ST6GALNAC1: variants seen among roughly 807,000 people sequenced by gnomAD.
ST6GALNAC1 encodes alpha-N-acetylgalactosaminide alpha-2,6-sialyltransferase 1.
ST6GALNAC1 carries 45 observed loss-of-function variants against 56.8 expected under a neutral mutation model. The observed-to-expected ratio is 0.79, with a 90% CI of 0.62 to 1.02. The LOEUF (loss-of-function observed/expected upper bound fraction) is 1.02, where lower values mean the gene tolerates loss of function less well. Ranked by LOEUF, ST6GALNAC1 falls within the 50% of genes least tolerant of loss-of-function variation. The pLI, the probability that ST6GALNAC1 is intolerant of heterozygous loss-of-function variation, is 0.00. For synonymous variants in ST6GALNAC1, 295 were observed against 297.8 expected, an observed-to-expected ratio of 0.99 and a Z score of 0.10; for missense variants, 743 against 754.8, an observed-to-expected ratio of 0.98 and a Z score of 0.18.
chr17:76,637,965 G>A (rs2075999565), intron 1 of ST6GALNAC1, among the ~76,000 whole-genome samples: 1 of 152,062 alleles, frequency 6.6e-6, no homozygotes, highest in Non-Finnish European at 1.5e-5. Flanking sequence ...GAGTAGCTGG[G>A]ATTACATGCA....
downstream of ST6GALNAC1, among the ~76,000 whole-genome samples, chr17:76,623,045 G>A (rs4789331): frequency 0.21 from 31,307 of 152,048 alleles, 3,323 homozygotes; most frequent in Non-Finnish European, 0.23. Flanking sequence ...CGCCTGCCTC[G>A]GCCTCTGTCA....
chr17:76,622,675 T>G (rs1413954301), downstream of ST6GALNAC1, among the ~76,000 whole-genome samples: 1 of 152,220 alleles, frequency 6.6e-6, no homozygotes, highest in Non-Finnish European at 1.5e-5. Flanking sequence ...TTTTATTAAT[T>G]TTATGTAGTA....
intron 1 of ST6GALNAC1, 138 bp downstream of exon 1, chr17:76,643,369 TC>T (rs1418125561): frequency 1.1e-6 from 1 of 935,998 alleles, no homozygotes; most frequent in Non-Finnish European, 1.5e-6. Flanking sequence ...TCCCAGTGCT[TC>T]TTGAGAACAC....
In ST6GALNAC1 at chr17:76,626,386, G is replaced by A. The variant is rs538778072; in HGVS notation, c.1318C>T (p.Arg440Cys). ...GTGCCTTCCAGGAAGTGCAAGTAGC[G>A]GACGTCCTGAGGACCAAGGACAGGG... ...FKNVPLGKDV[R>C]YLHFLEGTRD... is the part of the protein sequence containing the mutation. The change falls in exon 6 of 9, where the codon CGC becomes TGC. Residue 440 changes from arginine (R) to cysteine (C), a missense_variant. Arg to Cys is a radical substitution (Grantham distance 180). Transcript: ENST00000156626. 7 of 1,614,050 alleles carry A rather than the reference G, an allele frequency of 4.3e-6. No individual in the cohort carries two copies. The highest frequency in any genetic ancestry group is 4.5e-5 in the East Asian group (2 of 44,886).
chr17:76,629,234 C>G lies in ST6GALNAC1; in HGVS notation c.609G>C (p.Met203Ile). Reference protein sequence around the residue: ...KTLIPKSQHRMLAPTGAVSTR... With the variant: ...KTLIPKSQHRILAPTGAVSTR... The stretch of plus-strand genomic sequence containing the variant: ...TTGACACTGCTCCTGTGGGAGCCAG[C>G]ATTCTGTGCTGACTTTTGGGAATGA... The change falls in exon 2 of 9, where the codon ATG (methionine) becomes ATC (isoleucine). Residue 203 changes from methionine (M) to isoleucine (I), a missense_variant. Transcript: ENST00000156626. The G allele has an allele frequency of 1.2e-6, 2 of 1,614,150 alleles. No homozygotes were observed. The highest frequency in any genetic ancestry group is 1.7e-6 in the Non-Finnish European group (2 of 1,180,026).
chr17:76,619,397 T>A, the ST6GALNAC1 span, among the ~76,000 whole-genome samples: 1 of 152,218 alleles, frequency 6.6e-6, no homozygotes, highest in Admixed American at 6.5e-5. Context: ...ACCCATAGAA[T>A]TCTTTCTTTA....
chr17:76,621,158 TTCTTC>T (rs146002914), downstream of ST6GALNAC1, among the ~76,000 whole-genome samples: 1,629 of 149,874 alleles, frequency 0.011, 31 homozygotes, highest in African/African-American at 0.039. Context: ...GCTGTTTCTT[TTCTTC>T]TCTTTTCTTT....
chr17:76,623,552 T>C (rs1161093974), downstream of ST6GALNAC1, among the ~76,000 whole-genome samples: 1 of 152,252 alleles, frequency 6.6e-6, no homozygotes, highest in East Asian at 1.9e-4. Context: ...GTTTTCCTCA[T>C]ACAGACTTTG....
intron 1 of ST6GALNAC1, among the ~76,000 whole-genome samples, chr17:76,630,586 C>CTTT (rs201145440): frequency 2.2e-5 from 3 of 137,404 alleles, no homozygotes; most frequent in Admixed American, 1.5e-4. Flanking sequence ...TGAAACCCTT[C>CTTT]TTTTTTTTTT....
chr17:76,636,626 C>T (rs566692212), intron 1 of ST6GALNAC1, among the ~76,000 whole-genome samples: 2 of 152,110 alleles, frequency 1.3e-5, no homozygotes, highest in Non-Finnish European at 2.9e-5. Flanking sequence ...AGTCCTCCCG[C>T]CCGGCCAGCC....
In ST6GALNAC1 at chr17:76,626,098, G is replaced by T. The variant is rs200612139; in HGVS notation, c.1416-3C>A. 2 of 1,614,114 alleles carry T rather than the reference G, an allele frequency of 1.2e-6. No homozygotes were observed. The highest frequency in any genetic ancestry group is 2.7e-5 in the African/African-American group (2 of 75,050). Reference sequence around the variant, plus strand: ...GAAAAGCTTCCTGGGGTCTGTGCCTGTGGTTAGGAAGGGGTCATTCAGACT... The same window carrying T: ...GAAAAGCTTCCTGGGGTCTGTGCCTTTGGTTAGGAAGGGGTCATTCAGACT... On this transcript the variant is annotated splice_region_variant and splice_polypyrimidine_tract_variant and intron_variant, in intron 6 of 8. Transcript: ENST00000156626.
chr17:76,627,399 T>G lies in ST6GALNAC1; in HGVS notation c.1000+16A>C. On this transcript the variant is annotated intron_variant, in intron 3 of 8. Coordinates refer to ENST00000156626, the MANE Select transcript of ST6GALNAC1 (RefSeq NM_018414.5). This position sits in a 1 kb window ranked among gnomAD's most constrained non-coding sequence, Gnocchi z 4.4. ...CCTACTGCGCACCCACACCTTCCCC[T>G]GGGTTAAGGACTCACAGGAGTAGTT... 2.5e-6 allele frequency: 4 copies of G among 1,613,714 alleles called. No individual in the cohort carries two copies. The highest frequency in any genetic ancestry group is 3.4e-6 in the Non-Finnish European group (4 of 1,179,840).
Position 76,625,532 on chromosome 17 carries a change from A to C in ST6GALNAC1, c.1606-5T>G. 1 of 1,613,448 alleles carries C rather than the reference A, an allele frequency of 6.2e-7. No homozygotes were observed. Among genetic ancestry groups the C allele is most frequent in the Non-Finnish European group, 8.5e-7 (1 of 1,179,960 alleles). On this transcript the variant is annotated splice_region_variant and splice_polypyrimidine_tract_variant and intron_variant, in intron 8 of 8. Coordinates refer to ENST00000156626, the MANE Select transcript of ST6GALNAC1 (RefSeq NM_018414.5). ...GATGAAGCCATAAGCACTCACCTAC[A>C]TCACGGTTGGAGGAGAAACACGGCC...
At chr17:76,642,992 T>C (rs1361183942) in intron 1 of ST6GALNAC1, among the ~76,000 whole-genome samples, 5 of 151,610 alleles carry the variant, frequency 3.3e-5, no homozygotes, top group Non-Finnish European at 7.4e-5. Context: ...AAAAATGGTC[T>C]AGAAGGTATT....
At chr17:76,642,049 T>C (rs916161856) in intron 1 of ST6GALNAC1, 14 of 151,112 alleles carry the variant, frequency 9.3e-5, no homozygotes, top group Non-Finnish European at 2.1e-4. Flanking sequence ...ACAATATATC[T>C]ATATATACAT....
At chr17:76,619,904 C>T (rs1320132370), downstream of ST6GALNAC1, among the ~76,000 whole-genome samples, 2 of 151,968 alleles carry the variant, frequency 1.3e-5, no homozygotes, top group Non-Finnish European at 2.9e-5. Flanking sequence ...CCGCCACACC[C>T]GGCTAATTTT....
intron 8 of ST6GALNAC1, 41 bp downstream of exon 8, chr17:76,625,778 C>A: frequency 6.9e-7 from 1 of 1,446,606 alleles, no homozygotes; most frequent in South Asian, 1.4e-5. Flanking sequence ...AGCCCAGGAG[C>A]TGTTTCTCCA....
downstream of ST6GALNAC1, among the ~76,000 whole-genome samples, chr17:76,619,849 T>G (rs1480009621): frequency 6.7e-6 from 1 of 149,706 alleles, no homozygotes; most frequent in African/African-American, 2.5e-5. Context: ...GTTCAAGCGA[T>G]TCTCCTGCCT....
At chr17:76,640,167 A>T (rs983215693) in intron 1 of ST6GALNAC1, among the ~76,000 whole-genome samples, 1 of 151,966 alleles carries the variant, frequency 6.6e-6, no homozygotes, top group Non-Finnish European at 1.5e-5. Context: ...GTGTCCCATT[A>T]TTGCTCCGGC....
Sources: gnomAD v4.1 joint callset for allele counts (sites outside exome capture counted in the v4.1 genomes callset) on GRCh38, gnomAD v4.1.1 for gene constraint, Gnocchi (gnomAD v3.1) non-coding constraint, MANE v1.5 for transcripts, NCBI Gene and HGNC (gene_info 2026-07-23, HGNC 2026-07-21) for gene names.